Variants in UPRT observed in about 807,000 individuals in gnomAD.
UPRT encodes the protein RP11-311P8.3.
In UPRT, 5 loss-of-function variants were observed where a neutral mutation model predicts 22.6. That is an observed-to-expected ratio of 0.22 (90% CI 0.12 to 0.47). The LOEUF (loss-of-function observed/expected upper bound fraction) is 0.47. Among genes scored for constraint, UPRT ranks in the 20% least tolerant of loss-of-function variants. The probability of loss-of-function intolerance (pLI) is 0.99; values close to 1 mark genes in which losing one functional copy is unlikely to be tolerated. For synonymous variants in UPRT, 77 were observed against 87.7 expected, an observed-to-expected ratio of 0.88 and a Z score of 0.68; for missense variants, 181 against 239.9, an observed-to-expected ratio of 0.75 and a Z score of 1.62.
chrX:75,188,169 T>C (rs2082301396), intron 4 of UPRT, among the ~76,000 whole-genome samples: 3 of 112,082 alleles, frequency 2.7e-5, no homozygotes, highest in African/African-American at 9.7e-5. Flanking sequence ...CTACTTCTGG[T>C]CTTTGATGAT....
chrX:75,293,607 G>A, intron 2 of UPRT, 93 bp downstream of exon 2: 2 of 922,969 alleles, frequency 2.2e-6, no homozygotes, highest in African/African-American at 2.0e-5. Flanking sequence ...AGCATTCTGG[G>A]GCTGAAAGAG....
intron 4 of UPRT, among the ~76,000 whole-genome samples, chrX:75,212,055 T>G (rs1209120926): frequency 1.8e-5 from 2 of 111,583 alleles, no homozygotes; most frequent in African/African-American, 6.5e-5. Context: ...CCTTGCACTT[T>G]CTCTCAGCAG....
intron 4 of UPRT, among the ~76,000 whole-genome samples, chrX:75,238,548 C>T (rs190053924): frequency 1.8e-5 from 2 of 111,736 alleles, no homozygotes; most frequent in East Asian, 5.6e-4. Flanking sequence ...ACTCTACTGA[C>T]AGCACTAGAC....
rs893179752 is a variant in UPRT at position 75,234,334 on chromosome X, A to G, written c.-446-56690A>G. ...AGGCTTAGACTCCCACACATTAATA[A>G]TGGGAGACTTTAACACCCCACTGTC... On this transcript the variant is annotated intron_variant, in intron 4 of 13. Coordinates refer to the UPRT transcript ENST00000652605. Among the ~76,000 whole-genome samples, 4 of 111,057 alleles carry G rather than the reference A, an allele frequency of 3.6e-5. No homozygotes were observed. The Admixed American group carries it at 3.8e-4, about 11-fold the overall frequency.
At chrX:75,277,213 T>A (rs1237247650) in intron 1 of UPRT, among the ~76,000 whole-genome samples, 1 of 111,818 alleles carries the variant, frequency 8.9e-6, no homozygotes, top group African/African-American at 3.3e-5. Flanking sequence ...TGTGCCTTTT[T>A]TTTTAGAGGG....
intron 4 of UPRT, among the ~76,000 whole-genome samples, chrX:75,252,046 T>A (rs1176439100): frequency 8.9e-6 from 1 of 112,286 alleles, no homozygotes; most frequent in South Asian, 3.7e-4. Flanking sequence ...CCTTACACCT[T>A]ATACAAAAAT....
intron 4 of UPRT, among the ~76,000 whole-genome samples, chrX:75,258,174 C>T (rs2082555232): frequency 9.5e-6 from 1 of 105,308 alleles, no homozygotes; most frequent in African/African-American, 3.4e-5. Flanking sequence ...TTTCGGCAGA[C>T]ACCAAGCTAG....
chrX:75,217,915 A>T (rs1247483154), intron 4 of UPRT, among the ~76,000 whole-genome samples: 2 of 112,088 alleles, frequency 1.8e-5, no homozygotes, highest in Non-Finnish European at 3.8e-5. Context: ...TAAACGTTAG[A>T]TCTAAAACCA....
intron 5 of UPRT, among the ~76,000 whole-genome samples, chrX:75,300,140 G>A (rs181277178): frequency 2.9e-4 from 32 of 112,090 alleles, no homozygotes; most frequent in Admixed American, 2.3e-3. Flanking sequence ...AGGATTTAAT[G>A]AGGCAAAATA....
At chrX:75,221,009 T>G (rs1158270786) in intron 4 of UPRT, among the ~76,000 whole-genome samples, 1 of 112,056 alleles carries the variant, frequency 8.9e-6, no homozygotes, top group African/African-American at 3.2e-5. Context: ...GGTCTGGTGT[T>G]GATGAAATGC....
In UPRT at chrX:75,274,612, C is replaced by T. The variant is rs779588025; in HGVS notation, c.358C>T (p.Arg120Trp). 8.3e-7 allele frequency: 1 copy of T among 1,202,268 alleles called. No homozygotes were observed. The highest frequency in any genetic ancestry group is 3.0e-5 in the East Asian group (1 of 33,621). ...GCTGCTGCCTATGAATGATCAGATACGGGAGCTACAGACCATCATCCGTGA... is the reference window on the plus strand; with the variant it reads ...GCTGCTGCCTATGAATGATCAGATATGGGAGCTACAGACCATCATCCGTGA... ...LKLLPMNDQI[R>W]ELQTIIRDKT... The change falls in exon 1 of 7, where the codon CGG becomes TGG. Residue 120 changes from arginine to tryptophan, a missense_variant. This residue lies in a region of UPRT where 111 missense variants were observed against 102.8 expected (regional missense o/e 1.08). Coordinates refer to ENST00000373383, the MANE Select transcript of UPRT (RefSeq NM_145052.4).
At chrX:75,299,636 C>A (rs778851738) in intron 4 of UPRT, 99 bp from the exon 5 acceptor site, 1 of 853,607 alleles carries the variant, frequency 1.2e-6, no homozygotes, top group East Asian at 3.6e-5. Flanking sequence ...ATCTTCCTTC[C>A]TTTTTGTATT....
intron 1 of UPRT, among the ~76,000 whole-genome samples, chrX:75,157,999 G>C (rs1475821859): frequency 8.9e-6 from 1 of 112,293 alleles, no homozygotes; most frequent in Non-Finnish European, 1.9e-5. Flanking sequence ...TATTGCCACT[G>C]AATCTTACCA....
At chrX:75,163,609 T>C (rs991204310) in intron 3 of UPRT, among the ~76,000 whole-genome samples, 3 of 112,003 alleles carry the variant, frequency 2.7e-5, no homozygotes, top group East Asian at 2.8e-4. Flanking sequence ...AATGAAAATA[T>C]GTCTACACAA....
Position 75,303,387 on chromosome X carries a change from A to G in UPRT, c.824-18A>G, listed in dbSNP as rs2082751057. The G allele has an allele frequency of 4.3e-6, 5 of 1,164,080 alleles. No individual in the cohort carries two copies. Among genetic ancestry groups the G allele is most frequent in the Non-Finnish European group, 5.8e-6 (5 of 859,917 alleles). On this transcript the variant is annotated intron_variant, in intron 6 of 6. Transcript: ENST00000373383. ...GTTACCAAAACATCCTACCATAATAACTTTTGTTTTTTTGAAGGTGCCAAA... is the reference window on the plus strand; with the variant it reads ...GTTACCAAAACATCCTACCATAATAGCTTTTGTTTTTTTGAAGGTGCCAAA...
intron 4 of UPRT, among the ~76,000 whole-genome samples, chrX:75,201,200 C>T (rs2082346359): frequency 8.9e-6 from 1 of 112,270 alleles, no homozygotes; most frequent in Admixed American, 9.5e-5. Flanking sequence ...AATGCTTACC[C>T]TTTAGAACCC....
chrX:75,275,516 C>A (rs2082627883), intron 1 of UPRT, among the ~76,000 whole-genome samples: 1 of 111,135 alleles, frequency 9.0e-6, no homozygotes, highest in Non-Finnish European at 1.9e-5. Context: ...CTCCCTAAAC[C>A]AGACTCTAGA....
chrX:75,198,131 G>A (rs1288487888), intron 4 of UPRT, among the ~76,000 whole-genome samples: 1 of 112,608 alleles, frequency 8.9e-6, no homozygotes, highest in Non-Finnish European at 1.9e-5. Context: ...AAAAATTGTG[G>A]TATATTCACA....
chrX:75,272,747 T>A (rs190833753), upstream of UPRT, among the ~76,000 whole-genome samples: 117 of 108,628 alleles, frequency 1.1e-3, 1 homozygote, highest in East Asian at 9.1e-3. Flanking sequence ...AAAAAAAAAA[T>A]TATAAAAAAA....
Sources: allele counts gnomAD v4.1 joint callset (sites outside exome capture counted in the v4.1 genomes callset), GRCh38; gene constraint gnomAD v4.1.1; regional missense constraint gnomAD v4.1.1; transcripts MANE v1.5; gene names NCBI Gene and HGNC (gene_info 2026-07-23, HGNC 2026-07-21).